CTNNA3: variants seen among roughly 807,000 people sequenced by gnomAD.
The protein encoded by CTNNA3 is catenin alpha-3.
Under a neutral mutation model 95.7 loss-of-function variants are expected in CTNNA3, and 76 were observed. That is an observed-to-expected ratio of 0.79 (90% CI 0.66 to 0.96). CTNNA3 has a LOEUF of 0.96. Ranked by LOEUF, CTNNA3 falls within the 40% of genes least tolerant of loss-of-function variation. The probability of loss-of-function intolerance (pLI) is 0.00; values close to 1 mark genes in which losing one functional copy is unlikely to be tolerated. For missense variants in CTNNA3, 1,191 were observed against 1,089.8 expected (o/e 1.09, Z -1.31); for synonymous variants, 431 against 374.4 (o/e 1.15, Z -1.74).
At position 67,287,210 on chromosome 10, in the gene CTNNA3, C is replaced by T. The variant is rs148102712; in HGVS notation, c.580-67340G>A. On this transcript the variant is annotated intron_variant, in intron 5 of 17. Transcript: ENST00000433211. ...AAAATTAGCCGGGCATGGTGGTACA[C>T]GCCTGTAGTCCCAGCTACTTGGGAA... is the stretch of plus-strand genomic sequence containing the variant. Among the ~76,000 whole-genome samples the T allele has an allele frequency of 0.018, 2,800 of 152,070 alleles. 229 individuals are homozygous for T. The East Asian group carries it at 0.25, about 14-fold the overall frequency.
At chr10:66,189,380 G>A (rs2086529466) in intron 13 of CTNNA3, among the ~76,000 whole-genome samples, 1 of 150,680 alleles carries the variant, frequency 6.6e-6, no homozygotes, top group Non-Finnish European at 1.5e-5. Flanking sequence ...AATTTATTTT[G>A]AGTTGATTTT....
chr10:66,183,033 G>C lies in CTNNA3; in HGVS notation c.1885-79784C>G, dbSNP rs572566164. ...CAGAGGACTTTTCACACATTTCCTC[G>C]GAGAGGAGGGAAGAAATCCATCAAG... On this transcript the variant is annotated intron_variant, in intron 13 of 17. Coordinates refer to ENST00000433211, the MANE Select transcript of CTNNA3 (RefSeq NM_013266.4). Among the ~76,000 whole-genome samples the C allele has an allele frequency of 3.9e-5, 6 of 152,194 alleles. No individual in the cohort carries two copies. In the South Asian group the frequency reaches 1.2e-3, roughly 32 times the overall value.
At chr10:65,961,767 A>T (rs2077849662) in intron 17 of CTNNA3, among the ~76,000 whole-genome samples, 1 of 152,010 alleles carries the variant, frequency 6.6e-6, no homozygotes, top group Non-Finnish European at 1.5e-5. Flanking sequence ...GTAAAAAAAA[A>T]AAATTAGTAT....
At position 66,280,488 on chromosome 10, in the gene CTNNA3, A is replaced by G. The variant is rs1340457633; in HGVS notation, c.1866T>C (p.Cys622=). ...AACTTACCCGAATCATCATGACTGAACATCTGATATCATGAATTGTATCAT... is the reference window on the plus strand; with the variant it reads ...AACTTACCCGAATCATCATGACTGAGCATCTGATATCATGAATTGTATCAT... ...KIYDTIHDIR[C]SVMMIRTPEE... The change falls in exon 13 of 18, where the codon TGT becomes TGC. Residue 622 remains cysteine, a synonymous_variant. Transcript: ENST00000433211. 5 of 1,605,590 alleles carry G rather than the reference A, an allele frequency of 3.1e-6. No individual in the cohort carries two copies. Among genetic ancestry groups the G allele is most frequent in the Non-Finnish European group, 4.2e-6 (5 of 1,176,894 alleles).
chr10:67,194,123 T>C (rs149559098), intron 6 of CTNNA3, among the ~76,000 whole-genome samples: 3 of 152,116 alleles, frequency 2.0e-5, no homozygotes, highest in African/African-American at 7.2e-5. Context: ...TTGAAATGTG[T>C]CTGTTCATGT....
intron 5 of CTNNA3, among the ~76,000 whole-genome samples, chr10:67,265,320 AT>A (rs1211352461): frequency 2.0e-5 from 3 of 152,136 alleles, no homozygotes; most frequent in Non-Finnish European, 4.4e-5. Flanking sequence ...TACTTTTTTT[AT>A]ATCTTCTCTT....
intron 5 of CTNNA3, among the ~76,000 whole-genome samples, chr10:67,490,695 T>C (rs549828791): frequency 9.2e-5 from 14 of 152,158 alleles, no homozygotes; most frequent in Middle Eastern, 3.4e-3. Context: ...TCTACTCTCA[T>C]TGCAAAAATA....
At chr10:67,732,263 G>A (rs539339645) in intron 1 of CTNNA3, among the ~76,000 whole-genome samples, 40 of 152,130 alleles carry the variant, frequency 2.6e-4, no homozygotes, top group Middle Eastern at 3.4e-3. Context: ...TCAAACAAGA[G>A]TACTATGGTA....
At chr10:67,304,895 T>C (rs1214582173) in intron 5 of CTNNA3, among the ~76,000 whole-genome samples, 1 of 151,768 alleles carries the variant, frequency 6.6e-6, no homozygotes, top group Non-Finnish European at 1.5e-5. Context: ...AAGAGTATAG[T>C]AAGTCAAGCA....
intron 5 of CTNNA3, among the ~76,000 whole-genome samples, chr10:67,459,348 C>G (rs542523393): frequency 2.0e-5 from 3 of 152,258 alleles, no homozygotes; most frequent in South Asian, 4.1e-4. Flanking sequence ...TCAGGCTTTG[C>G]ATTAGTAGTG....
chr10:67,303,440 C>A (rs574375283), intron 5 of CTNNA3, among the ~76,000 whole-genome samples: 10 of 152,336 alleles, frequency 6.6e-5, no homozygotes, highest in Admixed American at 5.2e-4. Flanking sequence ...GCCTTCCAGG[C>A]TGAAGAAGAA....
chr10:66,758,328 A>G (rs1839455559), intron 9 of CTNNA3, among the ~76,000 whole-genome samples: 3 of 152,196 alleles, frequency 2.0e-5, no homozygotes, highest in Admixed American at 2.0e-4. Flanking sequence ...TTAAAACACA[A>G]AAGACAAAAA....
At chr10:67,393,831 C>T (rs879776394) in intron 5 of CTNNA3, among the ~76,000 whole-genome samples, 2 of 152,062 alleles carry the variant, frequency 1.3e-5, no homozygotes, top group Non-Finnish European at 2.9e-5. Context: ...GATATATATA[C>T]CTGAAATGGA....
intron 9 of CTNNA3, among the ~76,000 whole-genome samples, chr10:66,653,455 A>G (rs1845977337): frequency 6.6e-6 from 1 of 152,122 alleles, no homozygotes; most frequent in African/African-American, 2.4e-5. Flanking sequence ...AAAGAAATTG[A>G]AGAAGACACA....
intron 2 of CTNNA3, among the ~76,000 whole-genome samples, chr10:67,620,783 C>A (rs1995260): frequency 0.45 from 67,632 of 151,512 alleles, 18,975 homozygotes; most frequent in African/African-American, 0.8. Flanking sequence ...ATCAAGATTG[C>A]GAATGCAAAC....
chr10:65,956,842 T>G (rs2077741179), intron 17 of CTNNA3, among the ~76,000 whole-genome samples: 1 of 152,228 alleles, frequency 6.6e-6, no homozygotes, highest in African/African-American at 2.4e-5. Context: ...TGCGACGTTG[T>G]GCTGAGAAGA....
intron 13 of CTNNA3, among the ~76,000 whole-genome samples, chr10:66,177,286 T>C (rs1467547813): frequency 6.6e-6 from 1 of 151,972 alleles, no homozygotes; most frequent in Non-Finnish European, 1.5e-5. Flanking sequence ...ATTTCCTGGA[T>C]TTTAAGGTTA....
intron 5 of CTNNA3, among the ~76,000 whole-genome samples, chr10:67,455,320 A>G (rs1222235192): frequency 6.6e-6 from 1 of 152,182 alleles, no homozygotes; most frequent in Non-Finnish European, 1.5e-5. Flanking sequence ...AGAAATCAAT[A>G]TCAAGTCATA....
At chr10:66,201,795 T>TC (rs2087433799) in intron 13 of CTNNA3, among the ~76,000 whole-genome samples, 1 of 144,240 alleles carries the variant, frequency 6.9e-6, no homozygotes, top group Non-Finnish European at 1.5e-5. Flanking sequence ...TTTTTTTTTT[T>TC]TTTTTTTTTT....
Sources: gnomAD v4.1 joint callset for allele counts (sites outside exome capture counted in the v4.1 genomes callset) on GRCh38, gnomAD v4.1.1 for gene constraint, MANE v1.5 for transcripts, NCBI Gene and HGNC (gene_info 2026-07-23, HGNC 2026-07-21) for gene names.